The following KAZN variants were observed in gnomAD, a reference collection of about 807,000 sequenced individuals.
KAZN encodes kazrin, periplakin interacting protein.
Under a neutral mutation model 87.4 loss-of-function variants are expected in KAZN, and 40 were observed. The observed-to-expected ratio is 0.46, with a 90% CI of 0.36 to 0.60. KAZN has a LOEUF of 0.60. Ranked by LOEUF, KAZN falls within the 20% of genes least tolerant of loss-of-function variation. The probability of loss-of-function intolerance (pLI) is 0.00; values close to 1 mark genes in which losing one functional copy is unlikely to be tolerated. For synonymous variants in KAZN, 466 were observed against 458.3 expected (o/e 1.02, Z -0.22); for missense variants, 898 against 1,073.9 (o/e 0.84, Z 2.29).
chr1:14,113,446 C>T (rs181058070), intron 1 of KAZN, among the ~76,000 whole-genome samples: 7 of 152,256 alleles, frequency 4.6e-5, no homozygotes, highest in Admixed American at 1.3e-4. Context: ...AAAATGCAGG[C>T]GTACAATTAG....
At chr1:14,803,619 C>A (rs1183315618) in intron 1 of KAZN, among the ~76,000 whole-genome samples, 1 of 152,240 alleles carries the variant, frequency 6.6e-6, no homozygotes, top group East Asian at 1.9e-4. Context: ...GTCTCTCCAA[C>A]AGAAATTAGG....
chr1:14,021,774 C>A (rs1221286710), intron 1 of KAZN, among the ~76,000 whole-genome samples: 1 of 152,188 alleles, frequency 6.6e-6, no homozygotes, highest in African/African-American at 2.4e-5. Context: ...CATCTTATCA[C>A]TTCTCAAGTA....
chr1:14,283,117 C>CCTTT (rs953458284), intron 2 of KAZN, among the ~76,000 whole-genome samples: 4 of 152,296 alleles, frequency 2.6e-5, no homozygotes, highest in East Asian at 1.9e-4. Context: ...CAGATCATTT[C>CCTTT]CTTTCTTTCT....
rs114547435 is a variant in KAZN at position 13,933,125 on chromosome 1, G to T, written c.91+39369G>T. Reference sequence around the variant, plus strand: ...TCAAGGCGTTATTTGGGTTTCACTAGTTTTCCCATTAATGTCCTCTTTTTG... The same window carrying T: ...TCAAGGCGTTATTTGGGTTTCACTATTTTTCCCATTAATGTCCTCTTTTTG... On this transcript the variant is annotated intron_variant, in intron 1 of 16. Coordinates refer to the KAZN transcript ENST00000636203. Among the ~76,000 whole-genome samples the T allele has an allele frequency of 7.1e-3, 1,075 of 152,012 alleles. 14 individuals carry two copies. Among genetic ancestry groups the T allele is most frequent in the African/African-American group, 0.025 (1,030 of 41,460 alleles).
chr1:13,965,422 T>C (rs780012234), intron 1 of KAZN, among the ~76,000 whole-genome samples: 1 of 152,006 alleles, frequency 6.6e-6, no homozygotes, highest in Non-Finnish European at 1.5e-5. Flanking sequence ...GCTCAGGATA[T>C]GACAGATGTT....
At chr1:13,930,252 C>T (rs1443345356) in intron 1 of KAZN, among the ~76,000 whole-genome samples, 1 of 152,196 alleles carries the variant, frequency 6.6e-6, no homozygotes, top group Non-Finnish European at 1.5e-5. Context: ...CTCCAAGTCT[C>T]ACGTTTCTGC....
intron 1 of KAZN, among the ~76,000 whole-genome samples, chr1:14,658,911 C>T (rs1206802050): frequency 6.6e-6 from 1 of 152,176 alleles, no homozygotes; most frequent in African/African-American, 2.4e-5. Context: ...CTTCCACTTT[C>T]ACCTGCTTTC....
chr1:15,092,364 T>A (rs561870492), intron 8 of KAZN, among the ~76,000 whole-genome samples: 1 of 152,142 alleles, frequency 6.6e-6, no homozygotes, highest in East Asian at 1.9e-4. Context: ...CATGAGCCAC[T>A]GTGCCCAGCC....
At chr1:14,440,897 G>A (rs1242459124) in intron 2 of KAZN, among the ~76,000 whole-genome samples, 2 of 152,176 alleles carry the variant, frequency 1.3e-5, no homozygotes, top group African/African-American at 2.4e-5. Context: ...GATGAGTGAC[G>A]CAGACAGGTT....
At chr1:14,513,409 G>T (rs1671022692) in intron 2 of KAZN, among the ~76,000 whole-genome samples, 1 of 152,108 alleles carries the variant, frequency 6.6e-6, no homozygotes, top group African/African-American at 2.4e-5. Flanking sequence ...GGGTGGCTGG[G>T]AATAGCAGCC....
chr1:14,858,214 C>CTTTTTTTTTT (rs71000342), intron 1 of KAZN, among the ~76,000 whole-genome samples: 1 of 117,028 alleles, frequency 8.5e-6, no homozygotes, highest in African/African-American at 3.4e-5. Flanking sequence ...TTTTTCTTTT[C>CTTTTTTTTTT]TTTTTTTTTT....
At chr1:14,213,297 G>A (rs577233303) in intron 2 of KAZN, among the ~76,000 whole-genome samples, 47 of 152,142 alleles carry the variant, frequency 3.1e-4, no homozygotes, top group Non-Finnish European at 5.7e-4. Flanking sequence ...TCCTTCTCTC[G>A]TGCTACTAAG....
At chr1:14,300,885 TAGG>T (rs1557625792) in intron 2 of KAZN, among the ~76,000 whole-genome samples, 1 of 152,052 alleles carries the variant, frequency 6.6e-6, no homozygotes, top group Admixed American at 6.5e-5. Context: ...AACCAAGGGG[TAGG>T]TATAGGGTAG....
At chr1:15,095,766 C>G (rs1310012761) in intron 10 of KAZN, among the ~76,000 whole-genome samples, 1 of 152,144 alleles carries the variant, frequency 6.6e-6, no homozygotes, top group East Asian at 1.9e-4. Flanking sequence ...TTTGCAGAAG[C>G]AGCTTAGGGG....
chr1:15,059,180 T>A (rs1638564181), intron 5 of KAZN, among the ~76,000 whole-genome samples: 1 of 151,126 alleles, frequency 6.6e-6, no homozygotes. Context: ...CAAGCAGTCC[T>A]CCCTCTTCCG....
At chr1:14,052,283 A>G (rs1642372284) in intron 1 of KAZN, among the ~76,000 whole-genome samples, 1 of 152,250 alleles carries the variant, frequency 6.6e-6, no homozygotes, top group Non-Finnish European at 1.5e-5. Flanking sequence ...CAAAGGCATT[A>G]ACCTTTTTGA....
In KAZN at chr1:14,377,023, A is replaced by G. The variant is rs563440746; in HGVS notation, c.249+196431A>G. On this transcript the variant is annotated intron_variant, in intron 2 of 16. Transcript: ENST00000636203. Reference sequence around the variant, plus strand: ...CAGCCAGACATTTGTATTTTTTATGATGGAGAAGAAATGTCTTCCTGCATA... The same window carrying G: ...CAGCCAGACATTTGTATTTTTTATGGTGGAGAAGAAATGTCTTCCTGCATA... Among the ~76,000 whole-genome samples, 345 of 152,274 alleles carry G rather than the reference A, an allele frequency of 2.3e-3. 2 individuals are homozygous for G. The highest frequency in any genetic ancestry group is 4.1e-3 in the Non-Finnish European group (277 of 68,026).
chr1:14,883,935 G>A (rs1653764013), intron 1 of KAZN, among the ~76,000 whole-genome samples: 1 of 152,144 alleles, frequency 6.6e-6, no homozygotes, highest in South Asian at 2.1e-4. Flanking sequence ...GAGAGAGGCA[G>A]GCAAGAAAGA....
chr1:14,681,406 G>T (rs1230047267), intron 1 of KAZN, among the ~76,000 whole-genome samples: 1 of 151,050 alleles, frequency 6.6e-6, no homozygotes, highest in Non-Finnish European at 1.5e-5. Flanking sequence ...GAATGGTGAG[G>T]TTGCCCGTGG....
Sources: gnomAD v4.1 joint callset for allele counts (sites outside exome capture counted in the v4.1 genomes callset) on GRCh38, gnomAD v4.1.1 for gene constraint, MANE v1.5 for transcripts, NCBI Gene and HGNC (gene_info 2026-07-23, HGNC 2026-07-21) for gene names.